POLR3B: variants seen among roughly 807,000 people sequenced by gnomAD.
POLR3B encodes RNA polymerase III subunit B, also known as DNA-directed RNA polymerase III subunit RPC2.
Under a neutral mutation model 147.4 loss-of-function variants are expected in POLR3B, and 96 were observed. That is an observed-to-expected ratio of 0.65 (90% confidence interval 0.55 to 0.77). The LOEUF (loss-of-function observed/expected upper bound fraction) is 0.77, where lower values mean the gene tolerates loss of function less well. Ranked by LOEUF, POLR3B falls within the 30% of genes least tolerant of loss-of-function variation. The pLI is 0.00. For synonymous variants in POLR3B, 461 were observed against 485.9 expected, an observed-to-expected ratio of 0.95 and a Z score of 0.67; for missense variants, 1,036 against 1,413.5, an observed-to-expected ratio of 0.73 and a Z score of 4.28.
chr12:106,438,012 C>G (rs545975998), intron 18 of POLR3B, among the ~76,000 whole-genome samples: 13 of 152,268 alleles, frequency 8.5e-5, no homozygotes, highest in African/African-American at 3.1e-4. Flanking sequence ...GCCCAGCATG[C>G]ATTAGCTATT....
At chr12:106,364,470 G>A (rs1476157338) in intron 2 of POLR3B, among the ~76,000 whole-genome samples, 2 of 152,200 alleles carry the variant, frequency 1.3e-5, no homozygotes, top group African/African-American at 4.8e-5. Flanking sequence ...ATAAGGGTGT[G>A]GAGGAATGGG....
At chr12:106,392,010 G>A (rs2036920631) in intron 9 of POLR3B, among the ~76,000 whole-genome samples, 1 of 152,180 alleles carries the variant, frequency 6.6e-6, no homozygotes, top group African/African-American at 2.4e-5. Context: ...AGATTATGCT[G>A]TGTTCCTTGA....
chr12:106,459,419 A>C (rs1157266230), intron 22 of POLR3B, 51 bp downstream of exon 22: 1 of 989,606 alleles, frequency 1.0e-6, no homozygotes, highest in South Asian at 1.3e-5. Context: ...GAAAAAGAGA[A>C]GAAATGGGAG....
intron 27 of POLR3B, among the ~76,000 whole-genome samples, chr12:106,508,451 G>A (rs561168635): frequency 6.6e-5 from 10 of 152,166 alleles, no homozygotes; most frequent in African/African-American, 2.2e-4. Context: ...TTTCCTCCTC[G>A]TTAACTGTGA....
chr12:106,457,781 A>C (rs1324407749), intron 21 of POLR3B, among the ~76,000 whole-genome samples: 1 of 152,210 alleles, frequency 6.6e-6, no homozygotes, highest in Non-Finnish European at 1.5e-5. Flanking sequence ...GCATAAATCC[A>C]GGTTAAGGAA....
chr12:106,362,782 T>G (rs1486852791), intron 1 of POLR3B, among the ~76,000 whole-genome samples: 1 of 152,174 alleles, frequency 6.6e-6, no homozygotes, highest in East Asian at 1.9e-4. Flanking sequence ...GGGACACAAT[T>G]CAACCTATAT....
At position 106,363,908 on chromosome 12, in the gene POLR3B, T is replaced by A; in HGVS notation, c.105+6T>A. 1 of 1,589,006 alleles carries A rather than the reference T, an allele frequency of 6.3e-7. No individual in the cohort carries two copies. Among genetic ancestry groups the A allele is most frequent in the Non-Finnish European group, 8.6e-7 (1 of 1,159,316 alleles). On this transcript the variant is annotated splice_donor_region_variant and intron_variant, in intron 2 of 27. Transcript: ENST00000228347. ...TGCTTCCAGCATTTTTAAAGGTAAT[T>A]GTTTCACATTTAATAATAATTGGTT...
chr12:106,431,395 A>G (rs889192033), intron 14 of POLR3B, among the ~76,000 whole-genome samples: 2 of 152,214 alleles, frequency 1.3e-5, no homozygotes, highest in Admixed American at 6.5e-5. Context: ...AAAAGTAGCT[A>G]TTTTGTACAT....
chr12:106,459,318 G>A lies in POLR3B; in HGVS notation c.2520G>A (p.Leu840=), dbSNP rs768321161. Reference sequence around the variant, plus strand: ...TGCCCACAGTGACTCAGATTCCTTTGGAAGGAAGTAATGTACCACAGCAAC... The same window carrying A: ...TGCCCACAGTGACTCAGATTCCTTTAGAAGGAAGTAATGTACCACAGCAAC... ...KSMPTVTQIP[L]EGSNVPQQPQ... The change falls in exon 22 of 28, where the codon TTG becomes TTA. Residue 840 remains leucine (L), a synonymous_variant. Coordinates refer to ENST00000228347, the MANE Select transcript of POLR3B (RefSeq NM_018082.6). 1.9e-5 allele frequency: 31 copies of A among 1,608,978 alleles called. No individual in the cohort carries two copies. The Middle Eastern group carries it at 6.6e-4, about 34-fold the overall frequency.
chr12:106,405,466 A>G (rs1159107059), intron 10 of POLR3B, among the ~76,000 whole-genome samples: 2 of 151,524 alleles, frequency 1.3e-5, no homozygotes, highest in East Asian at 3.9e-4. Context: ...TTCATTTTTG[A>G]GAGGAAAAAA....
At chr12:106,492,878 AT>A (rs200128210) in intron 23 of POLR3B, among the ~76,000 whole-genome samples, 14 of 150,690 alleles carry the variant, frequency 9.3e-5, no homozygotes, top group African/African-American at 2.2e-4. Context: ...CTGTGATTCT[AT>A]TTTTTTTTCT....
chr12:106,401,200 A>G (rs1173764239), intron 10 of POLR3B, among the ~76,000 whole-genome samples: 1 of 152,246 alleles, frequency 6.6e-6, no homozygotes, highest in Non-Finnish European at 1.5e-5. Context: ...AAACATGTCT[A>G]TGCAAATAAA....
rs145261094 is a variant in POLR3B at position 106,434,729 on chromosome 12, A to C, written c.1781+857A>C. 7.3e-3 allele frequency among the ~76,000 whole-genome samples: 1,114 copies of C among 152,262 alleles called. 16 individuals carry two copies. The highest frequency in any genetic ancestry group is 0.026 in the African/African-American group (1,072 of 41,532). ...TTGAAGCACAAGGCAGTGAGCCAGC[A>C]GTAGCTGGAAGTCTGTCAGAGCTGG... On this transcript the variant is annotated intron_variant, in intron 16 of 27. Coordinates refer to ENST00000228347, the MANE Select transcript of POLR3B (RefSeq NM_018082.6).
chr12:106,419,020 A>G (rs1476173752), intron 12 of POLR3B, among the ~76,000 whole-genome samples: 2 of 152,228 alleles, frequency 1.3e-5, no homozygotes, highest in Non-Finnish European at 2.9e-5. Flanking sequence ...TCTAAGTGTA[A>G]GGGACTAATT....
chr12:106,498,853 TG>T (rs2038546375), intron 25 of POLR3B, among the ~76,000 whole-genome samples: 1 of 152,240 alleles, frequency 6.6e-6, no homozygotes, highest in Non-Finnish European at 1.5e-5. Context: ...CCCAAAGTGC[TG>T]GGATTACAGG....
At chr12:106,481,012 GA>G (rs1330652013) in intron 23 of POLR3B, among the ~76,000 whole-genome samples, 2 of 152,212 alleles carry the variant, frequency 1.3e-5, no homozygotes, top group Non-Finnish European at 2.9e-5. Context: ...AGAGAAGTAA[GA>G]GGGTGAGCCC....
intron 12 of POLR3B, among the ~76,000 whole-genome samples, chr12:106,424,888 C>T (rs2136996015): frequency 6.6e-6 from 1 of 152,238 alleles, no homozygotes. Flanking sequence ...ATGAACATAT[C>T]ATCTCACCTA....
intron 9 of POLR3B, among the ~76,000 whole-genome samples, chr12:106,382,365 C>G (rs1458001223): frequency 6.6e-6 from 1 of 152,188 alleles, no homozygotes; most frequent in Non-Finnish European, 1.5e-5. Flanking sequence ...ATTAGGGTCT[C>G]TTGTATTCAA....
intron 2 of POLR3B, 77 bp downstream of exon 2, chr12:106,363,979 T>G: frequency 9.1e-7 from 1 of 1,098,114 alleles, no homozygotes; most frequent in Non-Finnish European, 1.4e-6. Context: ...TTTTAAAGAT[T>G]AAATTTTTGT....
Sources: allele counts gnomAD v4.1 joint callset (sites outside exome capture counted in the v4.1 genomes callset), GRCh38; gene constraint gnomAD v4.1.1; transcripts MANE v1.5; gene names NCBI Gene and HGNC (gene_info 2026-07-23, HGNC 2026-07-21).